Variants in MALRD1 observed in about 807,000 individuals in gnomAD.
MALRD1 encodes MAM and LDL receptor class A domain containing 1, also known as MAM and LDL-receptor class A domain-containing protein 1.
In MALRD1, 247 loss-of-function variants were observed where a neutral mutation model predicts 242.1. The ratio of observed to expected loss-of-function variants is 1.02; its 90% CI spans 0.92 to 1.13. MALRD1 has a LOEUF of 1.13. Among genes scored for constraint, MALRD1 ranks in the 50% most tolerant of loss-of-function variants. MALRD1 has a pLI of 0.00. For synonymous variants in MALRD1, 995 were observed against 866.6 expected (o/e 1.15, Z -2.60); for missense variants, 2,989 against 2,533.1 (o/e 1.18, Z -3.86).
intron 31 of MALRD1, among the ~76,000 whole-genome samples, chr10:19,510,411 A>G (rs1170536445): frequency 6.6e-6 from 1 of 152,166 alleles, no homozygotes; most frequent in Non-Finnish European, 1.5e-5. Context: ...AGACTATCAC[A>G]TGGGGAGAAA....
chr10:19,594,657 A>G (rs886723474), intron 33 of MALRD1, among the ~76,000 whole-genome samples: 4 of 152,220 alleles, frequency 2.6e-5, no homozygotes, highest in African/African-American at 7.2e-5. Context: ...TCAGCCATAA[A>G]AAGGAATGAA....
chr10:19,462,485 A>C (rs1341181982), intron 29 of MALRD1, among the ~76,000 whole-genome samples: 2 of 152,344 alleles, frequency 1.3e-5, no homozygotes, highest in African/African-American at 4.8e-5. Flanking sequence ...CCCTACAGTG[A>C]AGTGTTCTCC....
At chr10:19,687,164 C>A (rs906416794) in intron 36 of MALRD1, among the ~76,000 whole-genome samples, 13 of 151,998 alleles carry the variant, frequency 8.6e-5, no homozygotes, top group Non-Finnish European at 1.8e-4. Flanking sequence ...AACAAGCATT[C>A]TAATTTAGAC....
intron 31 of MALRD1, among the ~76,000 whole-genome samples, chr10:19,503,190 G>A (rs1250347369): frequency 6.6e-6 from 1 of 152,208 alleles, no homozygotes; most frequent in African/African-American, 2.4e-5. Context: ...ACGGCTGAGT[G>A]AGACTATTTA....
chr10:19,274,781 C>T (rs992426801), intron 19 of MALRD1, among the ~76,000 whole-genome samples: 10 of 151,984 alleles, frequency 6.6e-5, no homozygotes, highest in Admixed American at 2.0e-4. Flanking sequence ...TAGTCAATAT[C>T]GTAGAAACAA....
At chr10:19,543,433 C>CTTTTTTCTTTT (rs1835071097) in intron 32 of MALRD1, among the ~76,000 whole-genome samples, 1 of 106,410 alleles carries the variant, frequency 9.4e-6, no homozygotes, top group Non-Finnish European at 1.8e-5. Context: ...CAGCTGATTT[C>CTTTTTTCTTTT]TTTTTTTTTT....
At chr10:19,122,231 G>A (rs76522551) in intron 5 of MALRD1, among the ~76,000 whole-genome samples, 10,571 of 152,168 alleles carry the variant, frequency 0.069, 406 homozygotes, top group Middle Eastern at 0.11. Context: ...AGAACCTGGC[G>A]CAGCTGAAAT....
chr10:19,343,020 A>G (rs1843952409), intron 24 of MALRD1, among the ~76,000 whole-genome samples: 1 of 152,104 alleles, frequency 6.6e-6, no homozygotes, highest in South Asian at 2.1e-4. Flanking sequence ...AGGTTGATGC[A>G]CATAGAGTTT....
At chr10:19,684,225 C>T (rs189970457) in intron 36 of MALRD1, among the ~76,000 whole-genome samples, 84 of 152,242 alleles carry the variant, frequency 5.5e-4, no homozygotes, top group South Asian at 2.1e-3. Flanking sequence ...TGATTTACAG[C>T]GCCATCTCTC....
chr10:19,381,592 C>A (rs1845839859), intron 26 of MALRD1, among the ~76,000 whole-genome samples: 1 of 151,552 alleles, frequency 6.6e-6, no homozygotes, highest in Non-Finnish European at 1.5e-5. Flanking sequence ...CAACGGGAGG[C>A]CAAGGTGGGT....
intron 5 of MALRD1, among the ~76,000 whole-genome samples, chr10:19,113,816 C>CACACACAG (rs1564400060): frequency 2.0e-5 from 3 of 147,396 alleles, no homozygotes; most frequent in African/African-American, 7.6e-5. Flanking sequence ...CACACACACA[C>CACACACAG]ACACACACAC....
intron 35 of MALRD1, among the ~76,000 whole-genome samples, chr10:19,613,433 C>G (rs961243074): frequency 6.6e-6 from 1 of 151,994 alleles, no homozygotes; most frequent in Non-Finnish European, 1.5e-5. Flanking sequence ...GCCAATGACC[C>G]AGCCAGAAGT....
chr10:19,437,997 C>T (rs2130971098), intron 28 of MALRD1, among the ~76,000 whole-genome samples: 1 of 152,048 alleles, frequency 6.6e-6, no homozygotes. Flanking sequence ...TTAAATATGC[C>T]TTGGTAGAAG....
intron 15 of MALRD1, 143 bp downstream of exon 15, chr10:19,204,023 C>T (rs1010160709): frequency 9.1e-7 from 1 of 1,097,488 alleles, no homozygotes. Flanking sequence ...GTTATGCTGT[C>T]TGCATGGACT....
At chr10:19,415,077 A>G (rs565482775) in intron 28 of MALRD1, among the ~76,000 whole-genome samples, 2 of 152,236 alleles carry the variant, frequency 1.3e-5, no homozygotes, top group Admixed American at 6.5e-5. Context: ...ATTTAGCTCT[A>G]CTTTTGAAAT....
intron 32 of MALRD1, among the ~76,000 whole-genome samples, chr10:19,533,322 C>A (rs527468911): frequency 8.5e-5 from 13 of 152,206 alleles, no homozygotes; most frequent in African/African-American, 3.1e-4. Flanking sequence ...CAGAAGGCAG[C>A]AGTTAAGTAT....
intron 21 of MALRD1, among the ~76,000 whole-genome samples, chr10:19,307,062 T>C (rs1842244241): frequency 6.6e-6 from 1 of 151,528 alleles, no homozygotes; most frequent in Admixed American, 6.6e-5. Flanking sequence ...GACCTTGGAA[T>C]TGTAAGGGAA....
At chr10:19,535,139 C>A (rs1834607236) in intron 32 of MALRD1, among the ~76,000 whole-genome samples, 1 of 152,078 alleles carries the variant, frequency 6.6e-6, no homozygotes. Context: ...CCACCTAGGC[C>A]TCCCAAAGTG....
intron 33 of MALRD1, among the ~76,000 whole-genome samples, chr10:19,574,851 TC>T (rs1189322699): frequency 1.7e-4 from 26 of 152,022 alleles, no homozygotes; most frequent in African/African-American, 6.0e-4. Flanking sequence ...TTAAAGGAGA[TC>T]TGAGAATTAG....
Sources: gnomAD v4.1 joint callset for allele counts (sites outside exome capture counted in the v4.1 genomes callset) on GRCh38, gnomAD v4.1.1 for gene constraint, MANE v1.5 for transcripts, NCBI Gene and HGNC (gene_info 2026-07-23, HGNC 2026-07-21) for gene names.